AHRR: variants seen among roughly 807,000 people sequenced by gnomAD.
AHRR encodes the protein ahR repressor.
Under a neutral mutation model 44.0 loss-of-function variants are expected in AHRR, and 28 were observed. That is an observed-to-expected ratio of 0.64 (90% confidence interval 0.47 to 0.87). The LOEUF is 0.87. Ranked by LOEUF, AHRR falls within the 40% of genes least tolerant of loss-of-function variation. The pLI, the probability that AHRR is intolerant of heterozygous loss-of-function variation, is 0.00. For synonymous variants in AHRR, 434 were observed against 407.0 expected (o/e 1.07, Z -0.80); for missense variants, 990 against 953.9 (o/e 1.04, Z -0.50).
intron 4 of AHRR, among the ~76,000 whole-genome samples, chr5:385,664 T>C (rs766020664): frequency 7.2e-5 from 11 of 152,248 alleles, no homozygotes; most frequent in Non-Finnish European, 1.6e-4. Context: ...TTATGACTAT[T>C]TCTTTATCTT....
At chr5:420,278 G>T (rs184018687) in intron 5 of AHRR, among the ~76,000 whole-genome samples, 2 of 152,370 alleles carry the variant, frequency 1.3e-5, no homozygotes, top group East Asian at 3.9e-4. Flanking sequence ...GGATGGGATG[G>T]AAGCCTAAAC....
chr5:434,667 T>TC lies in AHRR; in HGVS notation c.1929dup (p.Cys644LeufsTer7). On this transcript the variant is annotated frameshift_variant, in exon 11 of 11. Coordinates refer to ENST00000684583, the MANE Select transcript of AHRR (RefSeq NM_001377236.1). ...CTGTGCACGGGGCCGAGGTGAACAG[T>TC]CCTGCACCTGCAGAGCTGCTGAGGC... The TC allele has an allele frequency of 6.4e-7, 1 of 1,567,980 alleles. No homozygotes were observed. Among genetic ancestry groups the TC allele is most frequent in the Non-Finnish European group, 8.6e-7 (1 of 1,156,338 alleles).
rs1240492496 is a variant in AHRR at position 345,382 on chromosome 5, A to ATG, written c.62+1430_62+1431dup. ...ATGATGTCCCTGGCTGTGTGTGGGG[A>ATG]TGTGTGTGTGTGTCGGATGATGTCC... On this transcript the variant is annotated intron_variant, in intron 2 of 10. Transcript: ENST00000684583. Among the ~76,000 whole-genome samples, 2 of 14,462 alleles carry ATG rather than the reference A, an allele frequency of 1.4e-4. 1 individual carries two copies. The highest frequency in any genetic ancestry group is 1.3e-3 in the African/African-American group (2 of 1,500). The allele number at this position is 14,462 out of a possible 152,430, so 9.5% of individuals were successfully genotyped here. A position where few individuals can be genotyped will look rare whatever the true frequency, so the allele number is the denominator to read the frequency against.
chr5:420,454 C>T (rs1220323597), intron 5 of AHRR, among the ~76,000 whole-genome samples: 1 of 152,210 alleles, frequency 6.6e-6, no homozygotes, highest in African/African-American at 2.4e-5. Context: ...GCTGGGGGGC[C>T]TTTGCAGTTG....
intron 3 of AHRR, among the ~76,000 whole-genome samples, chr5:365,019 G>C (rs1560892802): frequency 6.6e-6 from 1 of 151,644 alleles, no homozygotes; most frequent in East Asian, 1.9e-4. Flanking sequence ...AGAACTATAA[G>C]GAAGAATATA....
rs887310443 is a variant in AHRR at position 405,082 on chromosome 5, C to T, written c.352-8262C>T. Among the ~76,000 whole-genome samples, 5 of 152,116 alleles carry T rather than the reference C, an allele frequency of 3.3e-5. No homozygotes were observed. Among genetic ancestry groups the T allele is most frequent in the East Asian group, 1.9e-4 (1 of 5,188 alleles). On this transcript the variant is annotated intron_variant, in intron 4 of 10. Coordinates refer to ENST00000684583, the MANE Select transcript of AHRR (RefSeq NM_001377236.1). This position sits in a 1 kb window ranked among gnomAD's most constrained non-coding sequence, Gnocchi z 4.5. ...TAAGTCCCAAGTGTTCCATGGCCCCCTCCCCCAAAGAAATGCAGCAGGTCT... is the reference window on the plus strand; with the variant it reads ...TAAGTCCCAAGTGTTCCATGGCCCCTTCCCCCAAAGAAATGCAGCAGGTCT...
intron 7 of AHRR, 148 bp downstream of exon 7, chr5:424,125 A>G: frequency 8.4e-7 from 1 of 1,195,398 alleles, no homozygotes; most frequent in Non-Finnish European, 1.1e-6. Context: ...AGCTCTGTGT[A>G]CCCTGTGATG....
rs909878587 is a variant in AHRR at position 387,564 on chromosome 5, C to T, written c.351+10848C>T. On this transcript the variant is annotated intron_variant, in intron 4 of 10. Coordinates refer to ENST00000684583, the MANE Select transcript of AHRR (RefSeq NM_001377236.1). The surrounding 1 kb of genome is among the most constrained non-coding windows in gnomAD (Gnocchi z 5.1). ...AACAGCCATGCAGCACGTCCCTCCA[C>T]CTGCCTTTCACCCTGTCTGCTGAGG... Among the ~76,000 whole-genome samples, 1 of 152,260 alleles carries T rather than the reference C, an allele frequency of 6.6e-6. No individual in the cohort carries two copies. Among genetic ancestry groups the T allele is most frequent in the African/African-American group, 2.4e-5 (1 of 41,480 alleles).
chr5:406,372 T>C lies in AHRR; in HGVS notation c.352-6972T>C, dbSNP rs761883564. On this transcript the variant is annotated intron_variant, in intron 4 of 10. Coordinates refer to ENST00000684583, the MANE Select transcript of AHRR (RefSeq NM_001377236.1). This position sits in a 1 kb window ranked among gnomAD's most constrained non-coding sequence, Gnocchi z 4.7. ...TCCCCAATCCCCAGCCCCTACCTCATAGGCCAAATCACTCCATGTGGGAGG... is the reference window on the plus strand; with the variant it reads ...TCCCCAATCCCCAGCCCCTACCTCACAGGCCAAATCACTCCATGTGGGAGG... Among the ~76,000 whole-genome samples, 15 of 152,206 alleles carry C rather than the reference T, an allele frequency of 9.9e-5. No homozygotes were observed. The highest frequency in any genetic ancestry group is 2.1e-4 in the South Asian group (1 of 4,830).
At chr5:427,505 C>A (rs768102407) in intron 7 of AHRR, 18 of 1,111,508 alleles carry the variant, frequency 1.6e-5, no homozygotes, top group South Asian at 5.6e-5. Flanking sequence ...GTGCCACCTG[C>A]GCATGGGGTG....
Position 434,660 on chromosome 5 carries a change from T to A in AHRR, c.1920T>A (p.Gly640=). 5.1e-6 allele frequency: 8 copies of A among 1,566,264 alleles called. No individual in the cohort carries two copies. The highest frequency in any genetic ancestry group is 6.1e-6 in the Non-Finnish European group (7 of 1,155,538). The part of the protein sequence containing the change: ...PPHQLCARGR[G]EQSCTCRAAE... ...ACCAGCTCTGTGCACGGGGCCGAGGTGAACAGTCCTGCACCTGCAGAGCTG... is the reference window on the plus strand; with the variant it reads ...ACCAGCTCTGTGCACGGGGCCGAGGAGAACAGTCCTGCACCTGCAGAGCTG... The change falls in exon 11 of 11, where the codon GGT becomes GGA. Residue 640 remains glycine (G), a synonymous_variant. Coordinates refer to ENST00000684583, the MANE Select transcript of AHRR (RefSeq NM_001377236.1).
intron 3 of AHRR, among the ~76,000 whole-genome samples, chr5:371,227 T>G (rs1030020341): frequency 6.6e-6 from 1 of 152,164 alleles, no homozygotes; most frequent in Non-Finnish European, 1.5e-5. Context: ...GACCACTGGC[T>G]TCACCGAGCC....
intron 3 of AHRR, among the ~76,000 whole-genome samples, chr5:365,030 T>C (rs1183862840): frequency 2.0e-5 from 3 of 152,016 alleles, no homozygotes; most frequent in Non-Finnish European, 2.9e-5. Context: ...GAAGAATATA[T>C]AAATTCATCA....
At chr5:336,183 G>A (rs1742112176) in intron 1 of AHRR, among the ~76,000 whole-genome samples, 1 of 152,198 alleles carries the variant, frequency 6.6e-6, no homozygotes, top group African/African-American at 2.4e-5. Context: ...AGTCTCCTGT[G>A]TCAGGGACTG....
rs1477552622 is a variant in AHRR at position 434,816 on chromosome 5, G to T, written c.2076G>T (p.Gly692=). 6 of 1,550,408 alleles carry T rather than the reference G, an allele frequency of 3.9e-6. No homozygotes were observed. Among genetic ancestry groups the T allele is most frequent in the East Asian group, 2.4e-5 (1 of 41,452 alleles). Residue 692 remains glycine, a synonymous_variant, in exon 11 of 11, where the codon GGG becomes GGT. Coordinates refer to ENST00000684583, the MANE Select transcript of AHRR (RefSeq NM_001377236.1). ...LATLVPPQAS[G]CTFLP is the part of the protein sequence containing the mutation. ...CGCTGGTCCCGCCCCAAGCTTCGGG[G>T]TGCACATTCCTGCCATAGCGCAGTG... is the stretch of plus-strand genomic sequence containing the variant.
In AHRR at chr5:434,583, C is replaced by T; in HGVS notation, c.1843C>T (p.His615Tyr). 2 of 1,577,632 alleles carry T rather than the reference C, an allele frequency of 1.3e-6. No homozygotes were observed. Among genetic ancestry groups the T allele is most frequent in the Non-Finnish European group, 1.7e-6 (2 of 1,162,016 alleles). Residue 615 changes from histidine to tyrosine, a missense_variant, in exon 11 of 11, where the codon CAC becomes TAC. Physicochemically the swap from His to Tyr is moderately conservative, Grantham distance 83. Transcript: ENST00000684583. ...GGAGCTGACCCCTTTCCACCCTGCA[C>T]ACTGTGCCTGCCTGGAGCCCACAGA... ...SRELTPFHPAHCACLEPTDGL... is the reference protein window; with the variant it reads ...SRELTPFHPAYCACLEPTDGL...
intron 2 of AHRR, among the ~76,000 whole-genome samples, chr5:350,604 C>T (rs1332743438): frequency 6.6e-6 from 1 of 152,162 alleles, no homozygotes; most frequent in Non-Finnish European, 1.5e-5. Flanking sequence ...TGTCTGCCCA[C>T]TAGGTGCTCC....
At chr5:341,877 C>T (rs1742362506) in intron 1 of AHRR, among the ~76,000 whole-genome samples, 1 of 152,110 alleles carries the variant, frequency 6.6e-6, no homozygotes, top group African/African-American at 2.4e-5. Context: ...TTAGCTGCAT[C>T]CCACAAAGTC....
intron 1 of AHRR, among the ~76,000 whole-genome samples, chr5:330,086 G>A (rs1449061509): frequency 5.3e-5 from 8 of 152,118 alleles, no homozygotes; most frequent in Admixed American, 4.6e-4. Flanking sequence ...CATTCAGTAT[G>A]ATGTTAGCTG....
Sources: gnomAD v4.1 joint callset for allele counts (sites outside exome capture counted in the v4.1 genomes callset) on GRCh38, gnomAD v4.1.1 for gene constraint, Gnocchi (gnomAD v3.1) non-coding constraint, MANE v1.5 for transcripts, NCBI Gene and HGNC (gene_info 2026-07-23, HGNC 2026-07-21) for gene names.